AACS: variants seen among roughly 807,000 people sequenced by gnomAD.
AACS encodes the protein acetoacetate-CoA ligase.
Under a neutral mutation model 83.1 loss-of-function variants are expected in AACS, and 69 were observed. The ratio of observed to expected loss-of-function variants is 0.83; its 90% CI spans 0.68 to 1.01. AACS has a LOEUF of 1.01. Ranked by LOEUF, AACS falls within the 50% of genes least tolerant of loss-of-function variation. The pLI, the probability that AACS is intolerant of heterozygous loss-of-function variation, is 0.00. For synonymous variants in AACS, 333 were observed against 343.4 expected (o/e 0.97, Z 0.33); for missense variants, 866 against 882.2 (o/e 0.98, Z 0.23).
chr12:125,113,578 G>A lies in AACS; in HGVS notation c.916-899G>A, dbSNP rs755259410. 6.6e-6 allele frequency among the ~76,000 whole-genome samples: 1 copy of A among 152,238 alleles called. No individual in the cohort carries two copies. The highest frequency in any genetic ancestry group is 1.5e-5 in the Non-Finnish European group (1 of 68,036). On this transcript the variant is annotated intron_variant, in intron 8 of 17. Coordinates refer to ENST00000316519, the MANE Select transcript of AACS (RefSeq NM_023928.5). This position sits in a 1 kb window ranked among gnomAD's most constrained non-coding sequence, Gnocchi z 4.8. ...GTTGCTTGGAACAAGTGTGTTCTGG[G>A]CAGTGGAAGATTATATAGTTGTAAA...
At position 125,124,988 on chromosome 12, in the gene AACS, T is replaced by C. The variant is rs140513183; in HGVS notation, c.1273T>C (p.Cys425Arg). Residue 425 changes from cysteine (C) to arginine (R), a missense_variant, in exon 12 of 18, where the codon TGC (cysteine) becomes CGC (arginine). Physicochemically the swap from Cys to Arg is radical, Grantham distance 180. Coordinates refer to ENST00000316519, the MANE Select transcript of AACS (RefSeq NM_023928.5). ...CCAGAGCTACGAGTATGTCTACAGG[T>C]GCATCAAGAGCAGCATCCTCCTGGG... The part of the protein sequence containing the change: ...KAQSYEYVYR[C>R]IKSSILLGSI... 2.5e-4 allele frequency: 406 copies of C among 1,614,008 alleles called. No homozygotes were observed. Among genetic ancestry groups the C allele is most frequent in the Non-Finnish European group, 3.3e-4 (386 of 1,180,034 alleles).
chr12:125,096,319 A>G (rs774024959), intron 5 of AACS, among the ~76,000 whole-genome samples: 31 of 152,220 alleles, frequency 2.0e-4, no homozygotes, highest in Non-Finnish European at 7.3e-5. Context: ...CCTGGCACAT[A>G]GTAAGCATTC....
chr12:125,107,034 CAG>C lies in AACS; in HGVS notation c.768-84_768-83del, dbSNP rs138687709. Reference sequence around the variant, plus strand: ...ATCCTGGCTTTTCTGGGGGTAGAAACAGAGGGAAGTGCACGGGTGGAATCAGT... The same window carrying C: ...ATCCTGGCTTTTCTGGGGGTAGAAACAGGGAAGTGCACGGGTGGAATCAGT... On this transcript the variant is annotated intron_variant, in intron 7 of 17. Coordinates refer to ENST00000316519, the MANE Select transcript of AACS (RefSeq NM_023928.5). The C allele has an allele frequency of 3.8e-3, 5,924 of 1,570,576 alleles. 156 individuals are homozygous for C. The African/African-American group carries it at 0.067, about 18-fold the overall frequency.
At chr12:125,111,741 C>T (rs967281356) in intron 8 of AACS, among the ~76,000 whole-genome samples, 3 of 152,202 alleles carry the variant, frequency 2.0e-5, no homozygotes, top group Admixed American at 2.0e-4. Context: ...TCCCCTTTCT[C>T]TTCCTTTACA....
At chr12:125,131,015 C>T (rs772072273) in intron 14 of AACS, among the ~76,000 whole-genome samples, 1 of 152,102 alleles carries the variant, frequency 6.6e-6, no homozygotes, top group Non-Finnish European at 1.5e-5. Context: ...TAGGAAATGG[C>T]GTGATGGCAA....
In AACS at chr12:125,073,460, C is replaced by G. The variant is rs192373072; in HGVS notation, c.134-416C>G. 5.9e-4 allele frequency among the ~76,000 whole-genome samples: 90 copies of G among 152,292 alleles called. No homozygotes were observed. The East Asian group carries it at 9.3e-3, about 16-fold the overall frequency. Reference sequence around the variant, plus strand: ...TGGTGTTAATTTCCAAGGCCCTGTTCTAAGCACTTTCTACATGTGCTCATT... The same window carrying G: ...TGGTGTTAATTTCCAAGGCCCTGTTGTAAGCACTTTCTACATGTGCTCATT... On this transcript the variant is annotated intron_variant, in intron 1 of 17. Transcript: ENST00000316519.
At chr12:125,122,230 T>G in intron 10 of AACS, 1 of 150,640 alleles carries the variant, frequency 6.6e-6, no homozygotes, top group Admixed American at 6.6e-5. Flanking sequence ...GGAGCAGGGG[T>G]CAGAGGGGCG....
At chr12:125,066,873 C>T (rs1201736199) in intron 1 of AACS, among the ~76,000 whole-genome samples, 2 of 152,156 alleles carry the variant, frequency 1.3e-5, no homozygotes, top group Non-Finnish European at 2.9e-5. Context: ...ACCCCAGTCA[C>T]CTGTGGCACC....
At position 125,129,248 on chromosome 12, in the gene AACS, T is replaced by C; in HGVS notation, c.1424-87T>C. On this transcript the variant is annotated intron_variant, in intron 13 of 17. Coordinates refer to ENST00000316519, the MANE Select transcript of AACS (RefSeq NM_023928.5). The surrounding 1 kb of genome is among the most constrained non-coding windows in gnomAD (Gnocchi z 4.3). Reference sequence around the variant, plus strand: ...TGTATATGTCTGGAATATTGCATAATAAGTAATAGCTTAAGAAAGAGAGAG... The same window carrying C: ...TGTATATGTCTGGAATATTGCATAACAAGTAATAGCTTAAGAAAGAGAGAG... 1 of 1,498,784 alleles carries C rather than the reference T, an allele frequency of 6.7e-7. No individual in the cohort carries two copies. The highest frequency in any genetic ancestry group is 8.9e-7 in the Non-Finnish European group (1 of 1,121,586). The allele number at this position is 1,498,784 out of a possible 1,614,324, so 92.8% of individuals were successfully genotyped here. A position where few individuals can be genotyped will look rare whatever the true frequency, so the allele number is the denominator to read the frequency against.
At chr12:125,141,888 C>G (rs1033750512) in intron 17 of AACS, among the ~76,000 whole-genome samples, 3 of 151,924 alleles carry the variant, frequency 2.0e-5, no homozygotes, top group Non-Finnish European at 4.4e-5. Flanking sequence ...GTTTTATCCC[C>G]CAAACAGAGA....
intron 16 of AACS, 96 bp from the exon 17 acceptor site, chr12:125,136,566 C>A: frequency 9.8e-7 from 1 of 1,023,844 alleles, no homozygotes; most frequent in Non-Finnish European, 1.4e-6. Flanking sequence ...CTTGGGGGAC[C>A]CAGCCTGCCC....
At chr12:125,095,326 C>T (rs908329160) in intron 5 of AACS, among the ~76,000 whole-genome samples, 1 of 152,160 alleles carries the variant, frequency 6.6e-6, no homozygotes, top group African/African-American at 2.4e-5. Flanking sequence ...AGGGGCCAGA[C>T]CTCTGATTCA....
chr12:125,121,073 G>C (rs1957145263), intron 10 of AACS: 1 of 152,336 alleles, frequency 6.6e-6, no homozygotes, highest in South Asian at 2.1e-4. Flanking sequence ...CGGGCCCTGG[G>C]TTGGCCAGAG....
At chr12:125,087,928 A>G (rs556371548) in intron 4 of AACS, among the ~76,000 whole-genome samples, 10 of 152,258 alleles carry the variant, frequency 6.6e-5, no homozygotes, top group Non-Finnish European at 1.3e-4. Context: ...CCTTCAGCCT[A>G]TCCTCAGGGT....
intron 4 of AACS, 53 bp from the exon 5 acceptor site, chr12:125,091,373 G>A: frequency 6.3e-7 from 1 of 1,580,084 alleles, no homozygotes; most frequent in South Asian, 1.1e-5. Context: ...TTGGACATCT[G>A]CTACCTCCCA....
chr12:125,097,454 C>T lies in AACS; in HGVS notation c.571-5225C>T, dbSNP rs866157463. Among the ~76,000 whole-genome samples the T allele has an allele frequency of 2.7e-5, 4 of 147,888 alleles. No homozygotes were observed. Among genetic ancestry groups the T allele is most frequent in the African/African-American group, 7.4e-5 (3 of 40,548 alleles). On this transcript the variant is annotated intron_variant, in intron 5 of 17. Coordinates refer to ENST00000316519, the MANE Select transcript of AACS (RefSeq NM_023928.5). The surrounding 1 kb of genome is among the most constrained non-coding windows in gnomAD (Gnocchi z 4.3). ...TACTTAAAAAAAAAAAAAAAAAGTG[C>T]GTTGGGGCAGCTCCAAGGGCGTCTC... is the stretch of plus-strand genomic sequence containing the variant.
At position 125,142,181 on chromosome 12, in the gene AACS, C is replaced by A; in HGVS notation, c.1971C>A (p.Pro657=). The A allele has an allele frequency of 6.2e-7, 1 of 1,614,158 alleles. No homozygotes were observed. Among genetic ancestry groups the A allele is most frequent in the Non-Finnish European group, 8.5e-7 (1 of 1,180,038 alleles). Residue 657 remains proline (P), a synonymous_variant, in exon 18 of 18, where the codon CCC becomes CCA. Coordinates refer to ENST00000316519, the MANE Select transcript of AACS (RefSeq NM_023928.5). ...AVEQGGAFSN[P]ETLDLYRDIP... ...AGCAAGGAGGTGCTTTCTCGAACCC[C>A]GAGACCCTGGATCTGTACCGGGACA...
At chr12:125,136,576 C>G in intron 16 of AACS, 86 bp from the exon 17 acceptor site, 1 of 1,155,612 alleles carries the variant, frequency 8.7e-7, no homozygotes, top group African/African-American at 1.5e-5. Context: ...CCAGCCTGCC[C>G]CTCCTGCTCT....
At chr12:125,085,964 G>A (rs577656787) in intron 3 of AACS, among the ~76,000 whole-genome samples, 43 of 152,092 alleles carry the variant, frequency 2.8e-4, no homozygotes, top group African/African-American at 9.6e-4. Flanking sequence ...TAATTTTTAC[G>A]TTTTTGGTAG....
Sources: allele counts gnomAD v4.1 joint callset (sites outside exome capture counted in the v4.1 genomes callset), GRCh38; gene constraint gnomAD v4.1.1; non-coding constraint Gnocchi (gnomAD v3.1); transcripts MANE v1.5; gene names NCBI Gene and HGNC (gene_info 2026-07-23, HGNC 2026-07-21).